Variants in SAG observed in about 807,000 individuals in gnomAD.
The protein encoded by SAG is S-arrestin.
Under a neutral mutation model 55.0 loss-of-function variants are expected in SAG, and 45 were observed. The observed-to-expected ratio is 0.82, with a 90% confidence interval of 0.64 to 1.05. SAG has a LOEUF of 1.05. Ranked by LOEUF, SAG falls within the 50% of genes least tolerant of loss-of-function variation. SAG has a pLI of 0.00. For missense variants in SAG, 455 were observed against 512.1 expected (o/e 0.89, Z 1.08); for synonymous variants, 189 against 197.4 (o/e 0.96, Z 0.36).
chr2:233,308,116 C>T (rs138184944), intron 1 of SAG, 94 bp downstream of exon 1: 11 of 152,524 alleles, frequency 7.2e-5, no homozygotes, highest in African/African-American at 2.6e-4. Flanking sequence ...CAGTATGTCC[C>T]GCCTTCACCT....
In SAG at chr2:233,317,809, G is replaced by GTA. The variant is rs200757165; in HGVS notation, c.137-933_137-932dup. 8.3e-3 allele frequency among the ~76,000 whole-genome samples: 1,260 copies of GTA among 152,206 alleles called. 15 individuals carry two copies. Among genetic ancestry groups the GTA allele is most frequent in the Non-Finnish European group, 9.5e-3 (646 of 68,018 alleles). On this transcript the variant is annotated intron_variant, in intron 3 of 15. Coordinates refer to ENST00000409110, the MANE Select transcript of SAG (RefSeq NM_000541.5). Reference sequence around the variant, plus strand: ...ACGTTTTCTCTATATGTGTGTGTGTGTATATATATACGTGTGTGTATAGAT... The same window carrying GTA: ...ACGTTTTCTCTATATGTGTGTGTGTGTATATATATATACGTGTGTGTATAGAT...
intron 12 of SAG, 135 bp downstream of exon 12, chr2:233,338,888 C>G: frequency 1.3e-6 from 1 of 769,896 alleles, no homozygotes; most frequent in East Asian, 2.6e-5. Context: ...CCAAGTAGAG[C>G]TTGGGAGAGA....
rs1416626087 is a variant in SAG at position 233,339,797 on chromosome 2, G to T, written c.1023-658G>T. On this transcript the variant is annotated intron_variant, in intron 12 of 15. Transcript: ENST00000409110. Reference sequence around the variant, plus strand: ...TCCTGCCTCAGCTTCTGAGTAGCTGGGATTACAGGTGCCCACCACCATGCC... The same window carrying T: ...TCCTGCCTCAGCTTCTGAGTAGCTGTGATTACAGGTGCCCACCACCATGCC... 2.0e-5 allele frequency among the ~76,000 whole-genome samples: 3 copies of T among 150,844 alleles called. No individual in the cohort carries two copies. The East Asian group carries it at 5.9e-4, about 29-fold the overall frequency.
At chr2:233,328,424 C>T (rs1476594181) in intron 7 of SAG, 54 bp from the exon 8 acceptor site, 6 of 1,590,568 alleles carry the variant, frequency 3.8e-6, no homozygotes, top group East Asian at 2.2e-5. Flanking sequence ...ACAGAAGCCT[C>T]CCTAAAGCGG....
At chr2:233,338,418 C>T in intron 11 of SAG, 1 of 502,866 alleles carries the variant, frequency 2.0e-6, no homozygotes, top group Non-Finnish European at 3.6e-6. Context: ...AGAGGTCAAG[C>T]ACAGAGAAGG....
At chr2:233,339,484 A>G (rs371912208) in intron 12 of SAG, among the ~76,000 whole-genome samples, 12 of 152,020 alleles carry the variant, frequency 7.9e-5, no homozygotes, top group East Asian at 7.7e-4. Flanking sequence ...GAGTTTCCCA[A>G]ATTTCTAACA....
In SAG at chr2:233,320,475, T is replaced by C. The variant is rs948100820; in HGVS notation, c.182-155T>C. Among the ~76,000 whole-genome samples, 5 of 152,140 alleles carry C rather than the reference T, an allele frequency of 3.3e-5. No homozygotes were observed. In the South Asian group the frequency reaches 1.0e-3, roughly 31 times the overall value. On this transcript the variant is annotated intron_variant, in intron 4 of 15. Transcript: ENST00000409110. ...TGAAGGGGCTGATTCTCCAGAGTGG[T>C]GTGGAGTAGCTGGGTGGCAGGGTTC...
At position 233,319,713 on chromosome 2, in the gene SAG, G is replaced by A. The variant is rs960702719; in HGVS notation, c.182-917G>A. The A allele has an allele frequency of 1.3e-5, 13 of 985,670 alleles. No homozygotes were observed. Among genetic ancestry groups the A allele is most frequent in the Non-Finnish European group, 1.2e-5 (10 of 830,192 alleles). The allele number at this position is 985,670 out of a possible 1,614,324, so 61.1% of individuals were successfully genotyped here. ...TTGAGCCCCGAAAGCCCAAGTCCTT[G>A]ACCAGAGAAGGGCGCCTGTTCTCAG... On this transcript the variant is annotated intron_variant, in intron 4 of 15. Transcript: ENST00000409110. This position sits in a 1 kb window ranked among gnomAD's most constrained non-coding sequence, Gnocchi z 4.4.
chr2:233,344,357 GA>G (rs1032830370), intron 14 of SAG: 1 of 152,222 alleles, frequency 6.6e-6, no homozygotes, highest in African/African-American at 2.4e-5. Flanking sequence ...TTTTAGTAGA[GA>G]TGGGTTTTCA....
chr2:233,346,301 TA>T, intron 14 of SAG, 101 bp from the exon 15 acceptor site: 1 of 1,309,740 alleles, frequency 7.6e-7, no homozygotes. Context: ...TAAAGTCACC[TA>T]AAAGGTAGAC....
At chr2:233,329,743 C>T (rs1308367233) in intron 9 of SAG, among the ~76,000 whole-genome samples, 166 bp downstream of exon 9, 2 of 152,198 alleles carry the variant, frequency 1.3e-5, no homozygotes, top group Non-Finnish European at 1.5e-5. Flanking sequence ...AAAGGCCTTA[C>T]AAGTTATCTC....
rs768201483 is a variant in SAG, at chr2:233,346,356, GTC to G, written c.1103-38_1103-37del. On this transcript the variant is annotated intron_variant, in intron 14 of 15. Transcript: ENST00000409110. ...TGATATAGAATTTAGACTAACAAAT[GTC>G]TCTCTCTCCCTCTTCCCTGCCTCCC... is the stretch of plus-strand genomic sequence containing the variant. 2.5e-6 allele frequency: 4 copies of G among 1,601,760 alleles called. 1 individual carries two copies. The South Asian group carries it at 3.3e-5, about 13-fold the overall frequency.
Position 233,331,721 on chromosome 2 carries a change from C to A in SAG, c.806+9C>A. The A allele has an allele frequency of 6.2e-7, 1 of 1,607,246 alleles. No homozygotes were observed. Among genetic ancestry groups the A allele is most frequent in the Non-Finnish European group, 8.5e-7 (1 of 1,174,162 alleles). ...GCTATGGAGGAAGCGCAGTGAGTAG[C>A]TGTTGGGGTTTCCGTTTCCTGGGCG... On this transcript the variant is annotated intron_variant, in intron 10 of 15. Coordinates refer to ENST00000409110, the MANE Select transcript of SAG (RefSeq NM_000541.5).
intron 10 of SAG, chr2:233,333,486 G>A (rs563028189): frequency 2.0e-5 from 3 of 152,250 alleles, no homozygotes; most frequent in Non-Finnish European, 4.4e-5. Flanking sequence ...GGACCATGCT[G>A]ACAAGTCTGA....
chr2:233,335,138 C>T (rs370970250), intron 11 of SAG, 39 bp downstream of exon 11: 48 of 1,589,398 alleles, frequency 3.0e-5, no homozygotes, highest in East Asian at 4.5e-5. Context: ...CCTGGCAGGG[C>T]GGGCTGGTGC....
At chr2:233,346,532 C>T in intron 15 of SAG, 120 bp downstream of exon 15, 2 of 1,088,754 alleles carry the variant, frequency 1.8e-6, no homozygotes, top group Non-Finnish European at 2.8e-6. Flanking sequence ...GCTCAGGAGG[C>T]ACATCCGCTA....
At chr2:233,308,944 G>C (rs1700005629) in intron 1 of SAG, among the ~76,000 whole-genome samples, 1 of 152,102 alleles carries the variant, frequency 6.6e-6, no homozygotes, top group Non-Finnish European at 1.5e-5. Flanking sequence ...AGCTTACCAA[G>C]AAAAATAAAA....
Position 233,309,231 on chromosome 2 carries a change from T to C in SAG, c.42T>C (p.His14=). Residue 14 remains histidine, a synonymous_variant, in exon 2 of 16, where the codon CAT becomes CAC. Coordinates refer to ENST00000409110, the MANE Select transcript of SAG (RefSeq NM_000541.5). ...SGKTSKSEPN[H]VIFKKISRDK... ...AGACCAGCAAGTCCGAACCGAACCATGTTATCTTCAAGAAGATCTCCCGGG... is the reference window on the plus strand; with the variant it reads ...AGACCAGCAAGTCCGAACCGAACCACGTTATCTTCAAGAAGATCTCCCGGG... 6.2e-7 allele frequency: 1 copy of C among 1,613,872 alleles called. No individual in the cohort carries two copies. The highest frequency in any genetic ancestry group is 8.5e-7 in the Non-Finnish European group (1 of 1,179,826).
intron 14 of SAG, chr2:233,343,557 C>T (rs1374514752): frequency 1.8e-6 from 1 of 554,562 alleles, no homozygotes; most frequent in African/African-American, 2.0e-5. Context: ...ATAAAAACCA[C>T]TAGACTGTCG....
Sources: allele counts gnomAD v4.1 joint callset (sites outside exome capture counted in the v4.1 genomes callset), GRCh38; gene constraint gnomAD v4.1.1; non-coding constraint Gnocchi (gnomAD v3.1); transcripts MANE v1.5; gene names NCBI Gene and HGNC (gene_info 2026-07-23, HGNC 2026-07-21).